Variants in DCC observed in about 807,000 individuals in gnomAD.
DCC encodes the protein netrin receptor DCC.
DCC carries 58 observed loss-of-function variants against 172.5 expected under a neutral mutation model. The observed-to-expected ratio is 0.34, with a 90% CI of 0.27 to 0.42. The LOEUF (loss-of-function observed/expected upper bound fraction) is 0.42, where lower values mean the gene tolerates loss of function less well. Ranked by LOEUF, DCC falls within the 10% of genes least tolerant of loss-of-function variation. The pLI is 1.00. For synonymous variants in DCC, 709 were observed against 644.5 expected, an observed-to-expected ratio of 1.10 and a Z score of -1.52; for missense variants, 1,740 against 1,791.0, an observed-to-expected ratio of 0.97 and a Z score of 0.51.
chr18:53,032,543 G>A (rs1191877820), intron 5 of DCC, among the ~76,000 whole-genome samples: 1 of 152,118 alleles, frequency 6.6e-6, no homozygotes, highest in Non-Finnish European at 1.5e-5. Context: ...TAGGATTTAG[G>A]CATCTTTGGT....
intron 19 of DCC, among the ~76,000 whole-genome samples, chr18:53,407,564 T>C (rs1909744014): frequency 7.0e-6 from 1 of 143,120 alleles, no homozygotes; most frequent in Admixed American, 7.1e-5. Flanking sequence ...TATTCACTAT[T>C]ACTCTCTCTC....
At chr18:53,412,608 A>G (rs1258172066) in intron 20 of DCC, among the ~76,000 whole-genome samples, 3 of 151,840 alleles carry the variant, frequency 2.0e-5, no homozygotes, top group Non-Finnish European at 4.4e-5. Context: ...TTTGCCTGAG[A>G]CAAAGGCTTA....
intron 2 of DCC, among the ~76,000 whole-genome samples, chr18:52,854,647 C>A (rs1408142501): frequency 6.6e-6 from 1 of 152,204 alleles, no homozygotes; most frequent in Non-Finnish European, 1.5e-5. Flanking sequence ...GGTAACTATT[C>A]TTTTCTGTTT....
At chr18:52,598,335 C>G (rs1206771553) in intron 1 of DCC, among the ~76,000 whole-genome samples, 2 of 152,094 alleles carry the variant, frequency 1.3e-5, no homozygotes, top group Non-Finnish European at 2.9e-5. Flanking sequence ...TTCAAGACCC[C>G]TGATGGGGTT....
At chr18:52,895,627 T>C (rs1255522262) in intron 2 of DCC, among the ~76,000 whole-genome samples, 1 of 152,244 alleles carries the variant, frequency 6.6e-6, no homozygotes, top group Non-Finnish European at 1.5e-5. Flanking sequence ...TAATGTTATG[T>C]ACAGTGGATA....
intron 25 of DCC, among the ~76,000 whole-genome samples, chr18:53,484,445 T>G (rs1281589213): frequency 6.6e-6 from 1 of 151,950 alleles, no homozygotes; most frequent in Non-Finnish European, 1.5e-5. Flanking sequence ...TGGTGCAGTT[T>G]CATTTATTTA....
At chr18:53,530,007 G>A (rs1428970525) in intron 28 of DCC, among the ~76,000 whole-genome samples, 2 of 152,058 alleles carry the variant, frequency 1.3e-5, no homozygotes, top group African/African-American at 4.8e-5. Context: ...ACGTTTCATT[G>A]GCCAAGGCAA....
intron 1 of DCC, among the ~76,000 whole-genome samples, chr18:52,678,739 T>C (rs2035689329): frequency 6.6e-6 from 1 of 152,100 alleles, no homozygotes; most frequent in Non-Finnish European, 1.5e-5. Context: ...CCACGAAAGA[T>C]TTAATTAACC....
At chr18:52,623,126 G>A (rs2034511490) in intron 1 of DCC, among the ~76,000 whole-genome samples, 2 of 152,130 alleles carry the variant, frequency 1.3e-5, no homozygotes, top group Non-Finnish European at 2.9e-5. Context: ...ATTACTTGTT[G>A]CCTCTGGCTG....
intron 5 of DCC, among the ~76,000 whole-genome samples, chr18:53,003,654 G>C (rs1488357770): frequency 6.6e-6 from 1 of 152,072 alleles, no homozygotes; most frequent in South Asian, 2.1e-4. Flanking sequence ...AGGAGCCTCA[G>C]ACTCCAATTT....
chr18:53,368,316 C>T (rs2058026860), intron 15 of DCC, among the ~76,000 whole-genome samples: 2 of 152,042 alleles, frequency 1.3e-5, no homozygotes, highest in South Asian at 2.1e-4. Context: ...TAGGAGTTCA[C>T]TATGTATTGT....
intron 2 of DCC, among the ~76,000 whole-genome samples, chr18:52,819,252 G>A (rs940618490): frequency 1.3e-5 from 2 of 152,082 alleles, no homozygotes; most frequent in African/African-American, 2.4e-5. Flanking sequence ...TTCCTCATTG[G>A]TTCTAAAATA....
intron 19 of DCC, among the ~76,000 whole-genome samples, chr18:53,406,915 A>G (rs577468334): frequency 6.6e-6 from 1 of 152,060 alleles, no homozygotes; most frequent in Non-Finnish European, 1.5e-5. Context: ...CTTTTGAATG[A>G]TGAGGTCTGT....
intron 1 of DCC, among the ~76,000 whole-genome samples, chr18:52,578,903 C>T (rs1322230180): frequency 6.6e-6 from 1 of 152,118 alleles, no homozygotes; most frequent in Non-Finnish European, 1.5e-5. Flanking sequence ...ATGGCTTGAA[C>T]CCAGGAGGTG....
chr18:52,869,134 T>C (rs2039276595), intron 2 of DCC, among the ~76,000 whole-genome samples: 1 of 152,364 alleles, frequency 6.6e-6, no homozygotes, highest in South Asian at 2.1e-4. Flanking sequence ...ATATTTCAAC[T>C]GTTAGTGTTA....
intron 21 of DCC, among the ~76,000 whole-genome samples, chr18:53,431,544 G>T (rs1055272549): frequency 6.6e-6 from 1 of 151,754 alleles, no homozygotes; most frequent in Non-Finnish European, 1.5e-5. Context: ...CTGGAGTGCA[G>T]TGTCGCAGTC....
At position 52,393,043 on chromosome 18, in the gene DCC, A is replaced by G. The variant is rs140523640; in HGVS notation, c.91+52165A>G. Among the ~76,000 whole-genome samples, 927 of 152,176 alleles carry G rather than the reference A, an allele frequency of 6.1e-3. 5 individuals are homozygous for G. Among genetic ancestry groups the G allele is most frequent in the Middle Eastern group, 0.02 (6 of 294 alleles). On this transcript the variant is annotated intron_variant, in intron 1 of 28. Coordinates refer to ENST00000442544, the MANE Select transcript of DCC (RefSeq NM_005215.4). ...TACTAGGCTAATCTGAGAAGTGATGAAATTAGACTTTCCCCTCTGTTCTTC... is the reference window on the plus strand; with the variant it reads ...TACTAGGCTAATCTGAGAAGTGATGGAATTAGACTTTCCCCTCTGTTCTTC...
At chr18:52,755,433 A>G (rs905837934) in intron 2 of DCC, among the ~76,000 whole-genome samples, 1 of 152,228 alleles carries the variant, frequency 6.6e-6, no homozygotes, top group Admixed American at 6.5e-5. Context: ...GTACAAGGAT[A>G]GGCACACGGA....
At chr18:53,481,747 T>G (rs570162809) in intron 25 of DCC, among the ~76,000 whole-genome samples, 4 of 152,296 alleles carry the variant, frequency 2.6e-5, no homozygotes, top group African/African-American at 9.6e-5. Context: ...CTTAAAAAAA[T>G]CTTTACTTTT....
Sources: gnomAD v4.1 joint callset for allele counts (sites outside exome capture counted in the v4.1 genomes callset) on GRCh38, gnomAD v4.1.1 for gene constraint, MANE v1.5 for transcripts, NCBI Gene and HGNC (gene_info 2026-07-23, HGNC 2026-07-21) for gene names.